Variants in PPARG observed in about 807,000 individuals in gnomAD.
PPARG encodes the protein peroxisome proliferator activated receptor gamma, also known as peroxisome proliferator-activated receptor gamma.
In PPARG, 17 loss-of-function variants were observed where a neutral mutation model predicts 39.2. That is an observed-to-expected ratio of 0.43 (90% CI 0.30 to 0.65). The LOEUF (loss-of-function observed/expected upper bound fraction) is 0.65, where lower values mean the gene tolerates loss of function less well. Ranked by LOEUF, PPARG falls within the 30% of genes least tolerant of loss-of-function variation. The pLI, the probability that PPARG is intolerant of heterozygous loss-of-function variation, is 0.13. For missense variants in PPARG, 406 were observed against 585.9 expected (o/e 0.69, Z 3.17); for synonymous variants, 223 against 215.7 (o/e 1.03, Z -0.30).
At chr3:12,309,038 A>C (rs1397640472) in intron 1 of PPARG, among the ~76,000 whole-genome samples, 1 of 152,238 alleles carries the variant, frequency 6.6e-6, no homozygotes, top group Non-Finnish European at 1.5e-5. Context: ...CAGAGTACAT[A>C]CTATGCTAAT....
At chr3:12,348,510 AT>A (rs2048389501) in intron 2 of PPARG, among the ~76,000 whole-genome samples, 1 of 152,192 alleles carries the variant, frequency 6.6e-6, no homozygotes, top group African/African-American at 2.4e-5. Context: ...CATCCTCCTC[AT>A]TATAGAATCA....
chr3:12,366,260 A>C (rs1010808752), intron 2 of PPARG, among the ~76,000 whole-genome samples: 4 of 152,078 alleles, frequency 2.6e-5, no homozygotes, highest in African/African-American at 9.7e-5. Flanking sequence ...GTATATAGGA[A>C]AGCATTATGA....
Position 12,417,131 on chromosome 3 carries a change from T to C in PPARG, c.1157T>C (p.Ile386Thr), listed in dbSNP as rs2051090597. 1 of 1,613,950 alleles carries C rather than the reference T, an allele frequency of 6.2e-7. No individual in the cohort carries two copies. Among genetic ancestry groups the C allele is most frequent in the Non-Finnish European group, 8.5e-7 (1 of 1,179,992 alleles). Residue 386 changes from isoleucine to threonine, a missense_variant, in exon 7 of 8, where the codon ATT (isoleucine) becomes ACT (threonine). By Grantham distance (89) the Ile-to-Thr change is moderately conservative. Around this residue, in one of 2 missense-constraint regions of PPARG, gnomAD observed 275 missense variants for 458.0 expected, o/e 0.60. Transcript: ENST00000651735. ...GATGACAGCGACTTGGCAATATTTATTGCTGTCATTATTCTCAGTGGAGGT... is the reference window on the plus strand; with the variant it reads ...GATGACAGCGACTTGGCAATATTTACTGCTGTCATTATTCTCAGTGGAGGT... ...ELDDSDLAIF[I>T]AVIILSGDRP...
chr3:12,379,202 A>G (rs145535637), intron 2 of PPARG, among the ~76,000 whole-genome samples: 1,998 of 152,020 alleles, frequency 0.013, 58 homozygotes, highest in African/African-American at 0.046. Context: ...ATGAGGTTTC[A>G]CCATGTTGGC....
chr3:12,412,960 T>G (rs1198180517), intron 6 of PPARG, among the ~76,000 whole-genome samples: 2 of 152,106 alleles, frequency 1.3e-5, no homozygotes, highest in African/African-American at 4.8e-5. Context: ...AAGACAAAAT[T>G]TGAGAATGAT....
At chr3:12,389,323 T>C (rs990891828) in intron 4 of PPARG, among the ~76,000 whole-genome samples, 4 of 152,166 alleles carry the variant, frequency 2.6e-5, no homozygotes, top group East Asian at 1.9e-4. Flanking sequence ...CTAGTACTTA[T>C]CTAACTGGAG....
chr3:12,324,122 T>C (rs1185868971), intron 2 of PPARG, among the ~76,000 whole-genome samples: 1 of 151,970 alleles, frequency 6.6e-6, no homozygotes, highest in Non-Finnish European at 1.5e-5. Flanking sequence ...CCACTAAAAA[T>C]ACAAAAATTA....
chr3:12,362,836 C>T (rs2048894940), intron 2 of PPARG, among the ~76,000 whole-genome samples: 1 of 151,906 alleles, frequency 6.6e-6, no homozygotes. Context: ...TTTTCTTTAG[C>T]AGACTAATGA....
intron 2 of PPARG, among the ~76,000 whole-genome samples, chr3:12,326,428 A>G (rs937344490): frequency 1.2e-4 from 19 of 152,222 alleles, no homozygotes; most frequent in African/African-American, 4.3e-4. Context: ...CAACAGATAC[A>G]TCTCTGGTTA....
chr3:12,416,567 C>T (rs757694716), intron 6 of PPARG, 137 bp from the exon 7 acceptor site: 13 of 809,156 alleles, frequency 1.6e-5, no homozygotes, highest in East Asian at 2.7e-5. Flanking sequence ...AGTATTTTCT[C>T]ATTATTAAGC....
In PPARG at chr3:12,353,878, A is replaced by C. The variant is rs149367665; in HGVS notation, c.-8-25826A>C. ...ATTGAAGGGAAGCTTCCACAAGCTC[A>C]AGCTGAATATGCCTCCTGCTTTTAG... On this transcript the variant is annotated intron_variant, in intron 2 of 7. Coordinates refer to ENST00000651735, the MANE Select transcript of PPARG (RefSeq NM_138711.6). Among the ~76,000 whole-genome samples the C allele has an allele frequency of 1.2e-3, 189 of 152,352 alleles. 1 individual carries two copies. The highest frequency in any genetic ancestry group is 0.01 in the Middle Eastern group (3 of 294).
At chr3:12,322,769 A>T (rs2047580779) in intron 2 of PPARG, among the ~76,000 whole-genome samples, 1 of 152,094 alleles carries the variant, frequency 6.6e-6, no homozygotes. Flanking sequence ...TTTGGAAGGC[A>T]CAAGTGAAAC....
intron 1 of PPARG, among the ~76,000 whole-genome samples, chr3:12,307,442 C>T (rs563837035): frequency 8.5e-5 from 13 of 152,278 alleles, no homozygotes; most frequent in African/African-American, 2.9e-4. Context: ...ACAATAATCC[C>T]TTCCCCTACT....
intron 7 of PPARG, among the ~76,000 whole-genome samples, chr3:12,424,116 T>A (rs2051356950): frequency 6.6e-6 from 1 of 152,212 alleles, no homozygotes; most frequent in African/African-American, 2.4e-5. Flanking sequence ...ACTATTTTCA[T>A]AACCCCATAG....
At position 12,366,624 on chromosome 3, in the gene PPARG, A is replaced by G. The variant is rs143841575; in HGVS notation, c.-8-13080A>G. Among the ~76,000 whole-genome samples the G allele has an allele frequency of 2.6e-5, 4 of 152,110 alleles. No individual in the cohort carries two copies. The East Asian group carries it at 7.7e-4, about 29-fold the overall frequency. Reference sequence around the variant, plus strand: ...GTTTAGGAAGTTTTCTTATTTTGTCAAATTCTTTTTCTGCATTTATTGATA... The same window carrying G: ...GTTTAGGAAGTTTTCTTATTTTGTCGAATTCTTTTTCTGCATTTATTGATA... On this transcript the variant is annotated intron_variant, in intron 2 of 7. Transcript: ENST00000651735.
intron 2 of PPARG, among the ~76,000 whole-genome samples, chr3:12,349,230 T>C (rs754182920): frequency 6.6e-6 from 1 of 152,186 alleles, no homozygotes. Context: ...AGGTATTTGA[T>C]GAATGATGGG....
intron 2 of PPARG, among the ~76,000 whole-genome samples, chr3:12,338,545 C>T (rs2048082938): frequency 6.6e-6 from 1 of 152,082 alleles, no homozygotes; most frequent in Non-Finnish European, 1.5e-5. Context: ...ATGTTTATAG[C>T]TCTTATATAT....
intron 2 of PPARG, among the ~76,000 whole-genome samples, chr3:12,323,429 A>C (rs950293149): frequency 6.6e-6 from 1 of 151,548 alleles, no homozygotes; most frequent in African/African-American, 2.4e-5. Context: ...GAGGAAGTTG[A>C]GCGTTTGGAG....
At chr3:12,399,936 A>G (rs1331420332) in intron 5 of PPARG, among the ~76,000 whole-genome samples, 1 of 151,708 alleles carries the variant, frequency 6.6e-6, no homozygotes, top group African/African-American at 2.4e-5. Context: ...GTGAGCTACG[A>G]TCATGCCACT....
Sources: gnomAD v4.1 joint callset for allele counts (sites outside exome capture counted in the v4.1 genomes callset) on GRCh38, gnomAD v4.1.1 for gene constraint, gnomAD v4.1.1 regional missense constraint, MANE v1.5 for transcripts, NCBI Gene and HGNC (gene_info 2026-07-23, HGNC 2026-07-21) for gene names.